MAGI1: variants seen among roughly 807,000 people sequenced by gnomAD.
MAGI1 encodes membrane-associated guanylate kinase, WW and PDZ domain-containing protein 1.
In MAGI1, 58 loss-of-function variants were observed where a neutral mutation model predicts 139.9. The ratio of observed to expected loss-of-function variants is 0.41; its 90% CI spans 0.34 to 0.52. The LOEUF (loss-of-function observed/expected upper bound fraction) is 0.52. MAGI1 is among the 20% of genes least tolerant of loss of function. MAGI1 has a pLI of 0.12. For synonymous variants in MAGI1, 812 were observed against 737.9 expected (o/e 1.10, Z -1.63); for missense variants, 1,874 against 1,901.6 (o/e 0.99, Z 0.27).
intron 1 of MAGI1, among the ~76,000 whole-genome samples, chr3:65,695,875 T>C (rs1414283518): frequency 6.6e-6 from 1 of 152,126 alleles, no homozygotes; most frequent in Non-Finnish European, 1.5e-5. Flanking sequence ...TAGCCACCAA[T>C]ATTTGTGCTT....
At chr3:65,762,095 T>C (rs2037078618) in intron 1 of MAGI1, among the ~76,000 whole-genome samples, 1 of 152,020 alleles carries the variant, frequency 6.6e-6, no homozygotes. Context: ...TAACTCACTA[T>C]CCAGGGCTCA....
intron 1 of MAGI1, among the ~76,000 whole-genome samples, chr3:65,757,247 T>C (rs1040080807): frequency 2.6e-5 from 4 of 152,202 alleles, no homozygotes; most frequent in African/African-American, 9.7e-5. Context: ...GGACCAAAAC[T>C]GGAGGCCAGG....
At chr3:65,924,717 C>T (rs959862534) in intron 1 of MAGI1, among the ~76,000 whole-genome samples, 1 of 152,196 alleles carries the variant, frequency 6.6e-6, no homozygotes, top group Non-Finnish European at 1.5e-5. Flanking sequence ...ACATCCCACA[C>T]TGCCCCTCGC....
chr3:65,710,041 A>G (rs1443310754), intron 1 of MAGI1, among the ~76,000 whole-genome samples: 4 of 152,216 alleles, frequency 2.6e-5, no homozygotes, highest in African/African-American at 7.2e-5. Flanking sequence ...CAAGCTTTTG[A>G]CTTCTGAAAG....
chr3:65,462,649 G>C (rs1949886811), intron 5 of MAGI1, among the ~76,000 whole-genome samples: 1 of 152,156 alleles, frequency 6.6e-6, no homozygotes, highest in Non-Finnish European at 1.5e-5. Flanking sequence ...TTCTAATTCT[G>C]TGAAGAAAGT....
chr3:65,990,377 C>T (rs972505486), intron 1 of MAGI1, among the ~76,000 whole-genome samples: 8 of 152,262 alleles, frequency 5.3e-5, no homozygotes, highest in Admixed American at 3.3e-4. Context: ...TGTTCCCTAA[C>T]GGAAGATTTA....
intron 4 of MAGI1, among the ~76,000 whole-genome samples, chr3:65,472,230 G>C (rs1950597488): frequency 6.6e-6 from 1 of 152,216 alleles, no homozygotes; most frequent in South Asian, 2.1e-4. Context: ...AAGAATTAAA[G>C]GAGTCACCTT....
At chr3:65,762,264 C>G (rs536131294) in intron 1 of MAGI1, among the ~76,000 whole-genome samples, 58 of 152,254 alleles carry the variant, frequency 3.8e-4, no homozygotes, top group Middle Eastern at 6.8e-3. Flanking sequence ...ACTAACAGTT[C>G]AGCTCCTTGA....
chr3:65,761,574 G>A (rs953742634), intron 1 of MAGI1, among the ~76,000 whole-genome samples: 1 of 152,092 alleles, frequency 6.6e-6, no homozygotes, highest in African/African-American at 2.4e-5. Context: ...GGCAAACGCA[G>A]GGAGGTTAAG....
intron 1 of MAGI1, among the ~76,000 whole-genome samples, chr3:65,818,695 G>A (rs1218968941): frequency 6.6e-6 from 1 of 152,144 alleles, no homozygotes; most frequent in African/African-American, 2.4e-5. Flanking sequence ...GAATAAGCAG[G>A]AAGTAGTCAC....
chr3:65,808,597 G>C (rs1006098630), intron 1 of MAGI1, among the ~76,000 whole-genome samples: 1 of 152,150 alleles, frequency 6.6e-6, no homozygotes. Context: ...ATGGGTCAAG[G>C]GACAATATTA....
intron 1 of MAGI1, among the ~76,000 whole-genome samples, chr3:65,914,915 C>T (rs1035875150): frequency 6.6e-6 from 1 of 152,152 alleles, no homozygotes; most frequent in African/African-American, 2.4e-5. Flanking sequence ...GATAATAGCA[C>T]CCCCTTGGGA....
At chr3:65,686,167 A>C (rs1270023069) in intron 1 of MAGI1, among the ~76,000 whole-genome samples, 10 of 152,260 alleles carry the variant, frequency 6.6e-5, no homozygotes, top group Admixed American at 5.9e-4. Context: ...AACAAACTAG[A>C]AGCAGTCATA....
At chr3:65,870,285 G>A (rs931401995) in intron 1 of MAGI1, among the ~76,000 whole-genome samples, 3 of 151,688 alleles carry the variant, frequency 2.0e-5, no homozygotes, top group Non-Finnish European at 4.4e-5. Flanking sequence ...TGGAAGCCTG[G>A]GCCTCCAACA....
intron 1 of MAGI1, among the ~76,000 whole-genome samples, chr3:65,665,878 T>G (rs2086487478): frequency 6.6e-6 from 1 of 152,186 alleles, no homozygotes; most frequent in South Asian, 2.1e-4. Flanking sequence ...ACAAAAATCT[T>G]TAAAAAAACT....
chr3:65,527,146 C>G (rs981285831), intron 2 of MAGI1, among the ~76,000 whole-genome samples: 9 of 152,244 alleles, frequency 5.9e-5, no homozygotes, highest in Non-Finnish European at 1.2e-4. Flanking sequence ...GGATGAGCAA[C>G]AGCTCCTTTG....
intron 2 of MAGI1, among the ~76,000 whole-genome samples, chr3:65,562,769 A>G (rs2080421310): frequency 6.6e-6 from 1 of 152,250 alleles, no homozygotes; most frequent in Admixed American, 6.5e-5. Flanking sequence ...CAACACAAAA[A>G]TGAGACCAGT....
rs1190291365 is a variant in MAGI1 at position 65,510,949 on chromosome 3, G to A, written c.431-17318C>T. Among the ~76,000 whole-genome samples, 117 of 148,218 alleles carry A rather than the reference G, an allele frequency of 7.9e-4. No homozygotes were observed. In the East Asian group the frequency reaches 0.016, roughly 21 times the overall value. ...AAGGGAAGCCCATCAGACTAACAGC[G>A]GATCTCTTGGCAGAAACCCTACAAG... On this transcript the variant is annotated intron_variant, in intron 2 of 22. Coordinates refer to ENST00000402939, the MANE Select transcript of MAGI1 (RefSeq NM_001033057.2).
intron 5 of MAGI1, among the ~76,000 whole-genome samples, chr3:65,463,258 C>T (rs895692739): frequency 5.9e-5 from 9 of 152,104 alleles, no homozygotes; most frequent in African/African-American, 2.2e-4. Context: ...TAGCTCTTCT[C>T]ATTTTGAGAT....
Sources: allele counts gnomAD v4.1 joint callset (sites outside exome capture counted in the v4.1 genomes callset), GRCh38; gene constraint gnomAD v4.1.1; transcripts MANE v1.5; gene names NCBI Gene and HGNC (gene_info 2026-07-23, HGNC 2026-07-21).